Variants in CCDC148 observed in about 807,000 individuals in gnomAD.
CCDC148 encodes coiled-coil domain containing 148.
A neutral mutation model predicts 85.7 loss-of-function variants in CCDC148; 89 were observed. That is an observed-to-expected ratio of 1.04 (90% CI 0.87 to 1.24). The LOEUF (loss-of-function observed/expected upper bound fraction) is 1.24, where lower values mean the gene tolerates loss of function less well. Ranked by LOEUF, CCDC148 falls within the 50% of genes most tolerant of loss-of-function variation. The pLI is 0.00. For synonymous variants in CCDC148, 230 were observed against 213.9 expected (o/e 1.08, Z -0.66); for missense variants, 692 against 671.7 (o/e 1.03, Z -0.33).
chr2:158,337,195 C>T (rs1001100725), intron 7 of CCDC148, among the ~76,000 whole-genome samples: 1 of 152,192 alleles, frequency 6.6e-6, no homozygotes, highest in Non-Finnish European at 1.5e-5. Flanking sequence ...AAACTCCTCC[C>T]TCTTGGGGAG....
chr2:158,433,087 AAAAAAT>A (rs1393638155), intron 1 of CCDC148, among the ~76,000 whole-genome samples: 2 of 51,610 alleles, frequency 3.9e-5, no homozygotes, highest in Admixed American at 3.0e-4. Context: ...AAAAAAAAAA[AAAAAAT>A]ATATATATAT....
At chr2:158,424,526 T>C (rs564348686) in intron 1 of CCDC148, among the ~76,000 whole-genome samples, 2 of 151,838 alleles carry the variant, frequency 1.3e-5, no homozygotes, top group African/African-American at 4.8e-5. Flanking sequence ...ATGAGAACAC[T>C]TGGACACAGG....
chr2:158,220,657 ATC>A lies in CCDC148; in HGVS notation c.1306_1307del (p.Asp436SerfsTer13), dbSNP rs763693309. ...TCTTCAGTTCTTCTAGACGCTGAAG[ATC>A]TCTCATTTCCATTTCTTGCCACTTC... ...KQKWQEMEMR[D>X]LQRLEELKKL... On this transcript the variant is annotated frameshift_variant, in exon 11 of 14. Coordinates refer to ENST00000283233, the MANE Select transcript of CCDC148 (RefSeq NM_138803.4). LOFTEE classifies it high-confidence loss of function. 13 of 1,597,826 alleles carry A rather than the reference ATC, an allele frequency of 8.1e-6. No individual in the cohort carries two copies. In the African/African-American group the frequency reaches 1.6e-4, roughly 20 times the overall value.
intron 5 of CCDC148, among the ~76,000 whole-genome samples, chr2:158,340,008 C>T (rs1682593816): frequency 6.6e-6 from 1 of 152,030 alleles, no homozygotes; most frequent in African/African-American, 2.4e-5. Flanking sequence ...AGCAGGGAAG[C>T]CAGTTATGAG....
intron 1 of CCDC148, among the ~76,000 whole-genome samples, chr2:158,366,492 C>T (rs1441349584): frequency 6.6e-6 from 1 of 152,146 alleles, no homozygotes; most frequent in Non-Finnish European, 1.5e-5. Context: ...TCAAAGGACT[C>T]GCTGCCTTGC....
chr2:158,355,087 T>G (rs1683553324), intron 2 of CCDC148, among the ~76,000 whole-genome samples: 1 of 151,408 alleles, frequency 6.6e-6, no homozygotes, highest in South Asian at 2.1e-4. Flanking sequence ...TTCAAAATAA[T>G]AAGAGCTATC....
chr2:158,279,666 T>C (rs1292986068), intron 9 of CCDC148, among the ~76,000 whole-genome samples: 1 of 152,180 alleles, frequency 6.6e-6, no homozygotes, highest in African/African-American at 2.4e-5. Flanking sequence ...TACCTGAAAG[T>C]GACAGGGGGA....
In CCDC148 at chr2:158,187,550, C is replaced by T. The variant is rs115732801; in HGVS notation, c.1371-8554G>A. Among the ~76,000 whole-genome samples the T allele has an allele frequency of 2.1e-3, 324 of 152,138 alleles. 1 individual carries two copies. The highest frequency in any genetic ancestry group is 7.3e-3 in the African/African-American group (303 of 41,528). On this transcript the variant is annotated intron_variant, in intron 11 of 13. Coordinates refer to ENST00000283233, the MANE Select transcript of CCDC148 (RefSeq NM_138803.4). ...CTCTGTCCACTCCACTCTATGGAAA[C>T]TACTTTCCCCAATAACACCAGTGAC...
At chr2:158,177,374 C>A (rs1684644899) in intron 12 of CCDC148, among the ~76,000 whole-genome samples, 1 of 151,990 alleles carries the variant, frequency 6.6e-6, no homozygotes, top group East Asian at 1.9e-4. Context: ...CAAGAATTAG[C>A]ATGAAGAAAA....
chr2:158,291,548 C>T (rs1357264377), intron 9 of CCDC148, among the ~76,000 whole-genome samples: 2 of 152,222 alleles, frequency 1.3e-5, no homozygotes, highest in Admixed American at 6.5e-5. Flanking sequence ...GCTACCAATC[C>T]TATCCTTGAG....
At chr2:158,403,250 A>G (rs1685860777) in intron 1 of CCDC148, among the ~76,000 whole-genome samples, 1 of 152,014 alleles carries the variant, frequency 6.6e-6, no homozygotes, top group East Asian at 1.9e-4. Context: ...GTCAACTCCA[A>G]TGATATATGA....
At chr2:158,391,183 T>C (rs759461157) in intron 1 of CCDC148, among the ~76,000 whole-genome samples, 4 of 152,172 alleles carry the variant, frequency 2.6e-5, no homozygotes, top group African/African-American at 4.8e-5. Flanking sequence ...CTTGTGATGA[T>C]GAACCGTGAA....
chr2:158,307,678 T>C (rs1308834364), intron 9 of CCDC148, among the ~76,000 whole-genome samples: 2 of 152,096 alleles, frequency 1.3e-5, no homozygotes, highest in Non-Finnish European at 2.9e-5. Context: ...GGAAAATATA[T>C]ACATATACTA....
chr2:158,320,130 T>C (rs1263728021), intron 7 of CCDC148, among the ~76,000 whole-genome samples: 3 of 152,174 alleles, frequency 2.0e-5, no homozygotes, highest in Non-Finnish European at 4.4e-5. Flanking sequence ...AGTAATAAAA[T>C]TGGCCTACTT....
chr2:158,351,024 T>C (rs539022639), intron 2 of CCDC148, among the ~76,000 whole-genome samples: 1 of 152,264 alleles, frequency 6.6e-6, no homozygotes, highest in South Asian at 2.1e-4. Flanking sequence ...TTTATTGGCC[T>C]TGAGATCCCA....
intron 1 of CCDC148, among the ~76,000 whole-genome samples, chr2:158,415,550 T>C (rs1686460371): frequency 6.6e-6 from 1 of 152,354 alleles, no homozygotes; most frequent in Non-Finnish European, 1.5e-5. Context: ...TCTTAACTCA[T>C]TTCCGCATTA....
At chr2:158,333,591 T>C (rs1693263565) in intron 7 of CCDC148, among the ~76,000 whole-genome samples, 1 of 152,180 alleles carries the variant, frequency 6.6e-6, no homozygotes, top group Non-Finnish European at 1.5e-5. Context: ...TCTGTCTCGT[T>C]GATCTTTCTA....
intron 4 of CCDC148, 66 bp downstream of exon 4, chr2:158,340,532 T>G (rs923502109): frequency 7.3e-7 from 1 of 1,375,084 alleles, no homozygotes. Flanking sequence ...GAACATGAAG[T>G]GAGTGGCCCA....
chr2:158,318,729 A>C (rs984596568), intron 7 of CCDC148, among the ~76,000 whole-genome samples: 2 of 151,926 alleles, frequency 1.3e-5, no homozygotes, highest in Non-Finnish European at 2.9e-5. Context: ...GTAGTTTTCT[A>C]GTGGAAGTTT....
Sources: allele counts gnomAD v4.1 joint callset (sites outside exome capture counted in the v4.1 genomes callset), GRCh38; gene constraint gnomAD v4.1.1; transcripts MANE v1.5; gene names NCBI Gene and HGNC (gene_info 2026-07-23, HGNC 2026-07-21).